MGMT: variants seen among roughly 807,000 people sequenced by gnomAD.
MGMT encodes the protein O-6-methylguanine-DNA methyltransferase, also known as methylated-DNA--protein-cysteine methyltransferase.
Under a neutral mutation model 15.9 loss-of-function variants are expected in MGMT, and 14 were observed. That is an observed-to-expected ratio of 0.88 (90% CI 0.58 to 1.37). MGMT has a LOEUF of 1.37. Among genes scored for constraint, MGMT ranks in the 40% most tolerant of loss-of-function variants. The probability of loss-of-function intolerance (pLI) is 0.00; values close to 1 mark genes in which losing one functional copy is unlikely to be tolerated. For synonymous variants in MGMT, 130 were observed against 118.2 expected, an observed-to-expected ratio of 1.10 and a Z score of -0.65; for missense variants, 282 against 268.1, an observed-to-expected ratio of 1.05 and a Z score of -0.36.
intron 2 of MGMT, among the ~76,000 whole-genome samples, chr10:129,573,945 A>G (rs192863384): frequency 7.0e-4 from 106 of 152,372 alleles, no homozygotes; most frequent in African/African-American, 2.4e-3. Flanking sequence ...ATTCTAAGAC[A>G]TTTTAAAGAA....
At chr10:129,594,849 G>A (rs1291864293) in intron 2 of MGMT, among the ~76,000 whole-genome samples, 1 of 152,204 alleles carries the variant, frequency 6.6e-6, no homozygotes, top group Non-Finnish European at 1.5e-5. Context: ...ACGCTGACAT[G>A]TAATATTCCC....
In MGMT at chr10:129,533,045, G is replaced by A. The variant is rs549981661; in HGVS notation, c.-12-3196G>A. Among the ~76,000 whole-genome samples the A allele has an allele frequency of 1.6e-4, 25 of 152,350 alleles. No homozygotes were observed. The highest frequency in any genetic ancestry group is 5.5e-4 in the African/African-American group (23 of 41,590). ...ACTCGAATCGGGAGCAGGTCCCACGGAGGCAGAGCAGCCGAGAATCAACGG... is the reference window on the plus strand; with the variant it reads ...ACTCGAATCGGGAGCAGGTCCCACGAAGGCAGAGCAGCCGAGAATCAACGG... On this transcript the variant is annotated intron_variant, in intron 1 of 4. Coordinates refer to ENST00000651593, the MANE Select transcript of MGMT (RefSeq NM_002412.5). This position sits in a 1 kb window ranked among gnomAD's most constrained non-coding sequence, Gnocchi z 4.5.
chr10:129,569,585 T>A (rs914077453), intron 2 of MGMT, among the ~76,000 whole-genome samples: 1 of 152,168 alleles, frequency 6.6e-6, no homozygotes, highest in African/African-American at 2.4e-5. Context: ...TACCCGGGCC[T>A]GACTTGGGTG....
intron 2 of MGMT, among the ~76,000 whole-genome samples, chr10:129,560,797 G>A (rs865832409): frequency 1.3e-5 from 2 of 152,072 alleles, no homozygotes; most frequent in Non-Finnish European, 1.5e-5. Context: ...CAATATTGTC[G>A]GGTGAAATTC....
intron 3 of MGMT, among the ~76,000 whole-genome samples, chr10:129,757,535 C>G (rs986333646): frequency 6.6e-6 from 1 of 152,324 alleles, no homozygotes; most frequent in South Asian, 2.1e-4. Context: ...CTGCTTCTTG[C>G]GGTATTGACG....
intron 2 of MGMT, among the ~76,000 whole-genome samples, chr10:129,685,783 G>A (rs184910960): frequency 3.3e-5 from 5 of 152,318 alleles, no homozygotes; most frequent in South Asian, 2.1e-4. Context: ...CTGGAGATGG[G>A]CAGGTACACC....
rs1400365317 is a variant in MGMT at position 129,741,434 on chromosome 10, C to G, written c.275-17768C>G. Among the ~76,000 whole-genome samples the G allele has an allele frequency of 3.3e-5, 5 of 152,226 alleles. No individual in the cohort carries two copies. In the East Asian group the frequency reaches 5.8e-4, roughly 18 times the overall value. ...GTGGTGCGAGGCGTGCAGCCCATCC[C>G]TGAGGGCTCCCCTGCATGGGAAAGG... On this transcript the variant is annotated intron_variant, in intron 3 of 4. Coordinates refer to ENST00000651593, the MANE Select transcript of MGMT (RefSeq NM_002412.5).
intron 2 of MGMT, among the ~76,000 whole-genome samples, chr10:129,631,649 C>A (rs530079775): frequency 6.6e-6 from 1 of 152,182 alleles, no homozygotes; most frequent in African/African-American, 2.4e-5. Flanking sequence ...AAGGCAAAAC[C>A]CCGTCTCCAC....
chr10:129,567,080 G>A (rs1368421998), intron 2 of MGMT, among the ~76,000 whole-genome samples: 1 of 152,074 alleles, frequency 6.6e-6, no homozygotes, highest in African/African-American at 2.4e-5. Flanking sequence ...TTAGAGACCC[G>A]GAAAAGGGAT....
chr10:129,580,429 C>T (rs1359867615), intron 2 of MGMT, among the ~76,000 whole-genome samples: 1 of 152,196 alleles, frequency 6.6e-6, no homozygotes, highest in Admixed American at 6.5e-5. Flanking sequence ...TCACACAGCT[C>T]TTCAGAGGGG....
At chr10:129,577,218 A>G (rs1358018671) in intron 2 of MGMT, among the ~76,000 whole-genome samples, 2 of 152,048 alleles carry the variant, frequency 1.3e-5, no homozygotes, top group Non-Finnish European at 2.9e-5. Flanking sequence ...AAAAGAGCCC[A>G]CATTGCCAAG....
At chr10:129,502,638 T>C (rs1845586120) in intron 1 of MGMT, among the ~76,000 whole-genome samples, 1 of 152,100 alleles carries the variant, frequency 6.6e-6, no homozygotes, top group African/African-American at 2.4e-5. Flanking sequence ...GTGAATTTTT[T>C]CCCCTGCATG....
chr10:129,737,789 G>C (rs1462279226), intron 3 of MGMT, among the ~76,000 whole-genome samples: 2 of 152,202 alleles, frequency 1.3e-5, no homozygotes, highest in Non-Finnish European at 2.9e-5. Flanking sequence ...ACCCTCAGCT[G>C]CAGGTCTGTT....
intron 2 of MGMT, among the ~76,000 whole-genome samples, chr10:129,702,700 G>A (rs372317012): frequency 1.2e-4 from 18 of 152,324 alleles, no homozygotes; most frequent in East Asian, 3.9e-4. Context: ...GGCAGCCCCC[G>A]GAGCTGCAGG....
At chr10:129,574,457 A>G (rs1846456186) in intron 2 of MGMT, among the ~76,000 whole-genome samples, 2 of 152,224 alleles carry the variant, frequency 1.3e-5, no homozygotes, top group Non-Finnish European at 2.9e-5. Flanking sequence ...TTAATGAATA[A>G]TTTAGTATAT....
At chr10:129,669,826 T>C (rs1218917944) in intron 2 of MGMT, among the ~76,000 whole-genome samples, 1 of 152,186 alleles carries the variant, frequency 6.6e-6, no homozygotes, top group African/African-American at 2.4e-5. Context: ...TCACAATAAC[T>C]TTACTGAATT....
At chr10:129,658,871 C>T (rs142037913) in intron 2 of MGMT, among the ~76,000 whole-genome samples, 94 of 152,250 alleles carry the variant, frequency 6.2e-4, no homozygotes, top group Admixed American at 2.0e-3. Flanking sequence ...AGGCTGAAAA[C>T]GCCCCCTGTA....
chr10:129,670,399 T>G (rs1269657324), intron 2 of MGMT, among the ~76,000 whole-genome samples: 1 of 152,202 alleles, frequency 6.6e-6, no homozygotes, highest in African/African-American at 2.4e-5. Context: ...ATTTTTTCTT[T>G]GAAAATATTC....
At chr10:129,552,253 T>C (rs902297938) in intron 2 of MGMT, among the ~76,000 whole-genome samples, 4 of 152,152 alleles carry the variant, frequency 2.6e-5, no homozygotes, top group Non-Finnish European at 5.9e-5. Flanking sequence ...TGGGAACCAC[T>C]GGGCCGTGAC....
Sources: gnomAD v4.1 joint callset for allele counts (sites outside exome capture counted in the v4.1 genomes callset) on GRCh38, gnomAD v4.1.1 for gene constraint, Gnocchi (gnomAD v3.1) non-coding constraint, MANE v1.5 for transcripts, NCBI Gene and HGNC (gene_info 2026-07-23, HGNC 2026-07-21) for gene names.